Variants in TVP23C observed in about 807,000 individuals in gnomAD.
TVP23C encodes Golgi apparatus membrane protein TVP23 homolog C.
TVP23C carries 19 observed loss-of-function variants against 28.7 expected under a neutral mutation model. The ratio of observed to expected loss-of-function variants is 0.66; its 90% CI spans 0.46 to 0.97. TVP23C has a LOEUF of 0.97. Among genes scored for constraint, TVP23C ranks in the 50% least tolerant of loss-of-function variants. The probability of loss-of-function intolerance (pLI) is 0.00; values close to 1 mark genes in which losing one functional copy is unlikely to be tolerated. For synonymous variants in TVP23C, 68 were observed against 81.7 expected (o/e 0.83, Z 0.90); for missense variants, 186 against 241.3 (o/e 0.77, Z 1.52).
intron 5 of TVP23C, among the ~76,000 whole-genome samples, chr17:15,506,007 C>T (rs559740017): frequency 1.3e-5 from 2 of 152,360 alleles, no homozygotes; most frequent in East Asian, 3.9e-4. Flanking sequence ...CAAGCCTCCC[C>T]GACGAGCGCC....
intron 5 of TVP23C, chr17:15,516,412 TACTC>T (rs1213164877): frequency 6.6e-6 from 1 of 152,240 alleles, no homozygotes; most frequent in Non-Finnish European, 1.5e-5. Flanking sequence ...AGAAATGTGT[TACTC>T]ACAGTTCTGG....
Position 15,540,175 on chromosome 17 carries a change from A to T in TVP23C, c.*237T>A. 7.9e-7 allele frequency: 1 copy of T among 1,271,740 alleles called. No individual in the cohort carries two copies. Among genetic ancestry groups the T allele is most frequent in the Non-Finnish European group, 9.9e-7 (1 of 1,009,556 alleles). The allele number at this position is 1,271,740 out of a possible 1,614,324, so 78.8% of individuals were successfully genotyped here. On this transcript the variant is annotated 3_prime_UTR_variant, in exon 6 of 6. Coordinates refer to ENST00000518321, the MANE Select transcript of TVP23C (RefSeq NM_001135036.2). The stretch of plus-strand genomic sequence containing the variant: ...CCCATAATTGATGAAAAACAACTGA[A>T]CTTAAAAGTAATTTTTAAAAAATAA...
chr17:15,502,779 TTC>T (rs1168164696), exon 6 of TVP23C: 7 of 1,459,720 alleles, frequency 4.8e-6, no homozygotes, highest in Non-Finnish European at 5.5e-6. Flanking sequence ...CGTCACTCTC[TTC>T]CCTCCCTCTC....
Position 15,537,658 on chromosome 17 carries a change from C to T in TVP23C, c.*2754G>A, listed in dbSNP as rs991328682. On this transcript the variant is annotated 3_prime_UTR_variant, in exon 6 of 6. Transcript: ENST00000518321. ...AACTAACAATTATTTCTAACTTATA[C>T]ATAAGCCAAAGTGCTCACTCTTACC... 246 of 985,226 alleles carry T rather than the reference C, an allele frequency of 2.5e-4. No homozygotes were observed. The highest frequency in any genetic ancestry group is 6.1e-4 in the Admixed American group (10 of 16,288). 61.0% of individuals were successfully genotyped at this position (985,226 alleles called of 1,614,324 possible).
intron 5 of TVP23C, among the ~76,000 whole-genome samples, chr17:15,541,903 G>A (rs182211617): frequency 6.6e-6 from 1 of 152,096 alleles, no homozygotes; most frequent in Non-Finnish European, 1.5e-5. Context: ...GACCAATCAC[G>A]GGTCCTGCTA....
At chr17:15,502,869 G>A (rs1487812993) in exon 6 of TVP23C, 1 of 1,561,342 alleles carries the variant, frequency 6.4e-7, no homozygotes, top group Non-Finnish European at 8.7e-7. Flanking sequence ...TGTTTTTAAT[G>A]CATTCCGGAT....
At chr17:15,554,043 A>C (rs1984015490) in intron 2 of TVP23C, among the ~76,000 whole-genome samples, 1 of 152,204 alleles carries the variant, frequency 6.6e-6, no homozygotes, top group Non-Finnish European at 1.5e-5. Context: ...TACACTATGC[A>C]CAGATGACTT....
intron 5 of TVP23C, among the ~76,000 whole-genome samples, chr17:15,513,964 G>A (rs979376902): frequency 4.6e-5 from 7 of 152,170 alleles, no homozygotes; most frequent in African/African-American, 1.4e-4. Context: ...ATGCAGGGGC[G>A]GACGGTGAGG....
At position 15,539,315 on chromosome 17, in the gene TVP23C, G is replaced by C; in HGVS notation, c.*1097C>G. 2.0e-6 allele frequency: 2 copies of C among 985,452 alleles called. No individual in the cohort carries two copies. The highest frequency in any genetic ancestry group is 2.4e-6 in the Non-Finnish European group (2 of 829,972). 61.0% of individuals were successfully genotyped at this position (985,452 alleles called of 1,614,324 possible). On this transcript the variant is annotated 3_prime_UTR_variant, in exon 6 of 6. Transcript: ENST00000518321. ...AAATGCAAGGTATTACTCATATAAA[G>C]ACCTAGTCACGGCCAGGCGCCGTGG...
At chr17:15,534,759 G>A (rs1407193211), downstream of TVP23C, among the ~76,000 whole-genome samples, 1 of 151,250 alleles carries the variant, frequency 6.6e-6, no homozygotes, top group African/African-American at 2.4e-5. Context: ...ACCTGAGGTC[G>A]GGAGTTCAAG....
chr17:15,506,362 A>G (rs1981740529), intron 5 of TVP23C, among the ~76,000 whole-genome samples: 1 of 151,958 alleles, frequency 6.6e-6, no homozygotes, highest in Non-Finnish European at 1.5e-5. Flanking sequence ...AGGGTTTGTG[A>G]GTGCACCAGT....
At chr17:15,559,602 G>A (rs1008294047) in intron 1 of TVP23C, among the ~76,000 whole-genome samples, 2 of 148,266 alleles carry the variant, frequency 1.3e-5, no homozygotes, top group African/African-American at 2.4e-5. Context: ...GAAGAAGGAG[G>A]GACAAAAGCA....
chr17:15,531,129 A>AC (rs1982934778), intron 5 of TVP23C: 1 of 152,244 alleles, frequency 6.6e-6, no homozygotes, highest in East Asian at 1.9e-4. Context: ...ATGTCATTCT[A>AC]CAGCCTTCTG....
At chr17:15,530,201 C>T (rs1005383552) in intron 5 of TVP23C, among the ~76,000 whole-genome samples, 3 of 152,170 alleles carry the variant, frequency 2.0e-5, no homozygotes, top group African/African-American at 4.8e-5. Flanking sequence ...TCCTTTTATG[C>T]ATCTTATGTC....
chr17:15,507,405 G>C, intron 5 of TVP23C: 2 of 599,344 alleles, frequency 3.3e-6, no homozygotes, highest in Non-Finnish European at 6.1e-6. Context: ...CTGTAGCTCA[G>C]AGAGAGCACC....
At chr17:15,552,229 G>C (rs1329592506) in intron 3 of TVP23C, among the ~76,000 whole-genome samples, 1 of 152,126 alleles carries the variant, frequency 6.6e-6, no homozygotes, top group South Asian at 2.1e-4. Flanking sequence ...AAATACTTTG[G>C]AGCATAAAGT....
rs537949390 is a variant in TVP23C, at chr17:15,529,939, C to A, written c.462+15846G>T. Among the ~76,000 whole-genome samples the A allele has an allele frequency of 5.9e-5, 9 of 152,182 alleles. 1 individual carries two copies. Among genetic ancestry groups the A allele is most frequent in the African/African-American group, 2.2e-4 (9 of 41,520 alleles). ...TCAGCCTCCAGAGTAGTTGGGATTACAGGTGCCCACCACCACACCCAGCTA... is the reference window on the plus strand; with the variant it reads ...TCAGCCTCCAGAGTAGTTGGGATTAAAGGTGCCCACCACCACACCCAGCTA... On this transcript the variant is annotated intron_variant, in intron 5 of 5. Transcript: ENST00000225576.
intron 5 of TVP23C, among the ~76,000 whole-genome samples, chr17:15,518,167 CA>C (rs895582466): frequency 0.091 from 4,956 of 54,288 alleles, 63 homozygotes; most frequent in Non-Finnish European, 0.13. Flanking sequence ...GACTCCATCT[CA>C]AAAAAAAAAA....
At chr17:15,522,651 T>C (rs1348476394) in intron 5 of TVP23C, among the ~76,000 whole-genome samples, 7 of 152,242 alleles carry the variant, frequency 4.6e-5, no homozygotes, top group Non-Finnish European at 7.3e-5. Flanking sequence ...AAATGCAGCA[T>C]ATCATTATTA....
Sources: allele counts gnomAD v4.1 joint callset (sites outside exome capture counted in the v4.1 genomes callset), GRCh38; gene constraint gnomAD v4.1.1; transcripts MANE v1.5; gene names NCBI Gene and HGNC (gene_info 2026-07-23, HGNC 2026-07-21).